RBMS3: variants seen among roughly 807,000 people sequenced by gnomAD.
RBMS3 encodes the protein RNA-binding motif, single-stranded-interacting protein 3.
RBMS3 carries 27 observed loss-of-function variants against 66.8 expected under a neutral mutation model. The observed-to-expected ratio is 0.40, with a 90% CI of 0.30 to 0.56. The LOEUF is 0.56. RBMS3 is among the 20% of genes least tolerant of loss of function. The pLI is 0.40. For missense variants in RBMS3, 513 were observed against 549.5 expected (o/e 0.93, Z 0.66); for synonymous variants, 188 against 183.0 (o/e 1.03, Z -0.22).
intron 4 of RBMS3, among the ~76,000 whole-genome samples, chr3:29,670,528 G>A (rs1002091554): frequency 1.3e-5 from 2 of 152,172 alleles, no homozygotes; most frequent in African/African-American, 4.8e-5. Flanking sequence ...AGATGGTTCC[G>A]GGAAAATTGG....
chr3:29,718,576 T>C (rs966767232), intron 4 of RBMS3, among the ~76,000 whole-genome samples: 1 of 152,052 alleles, frequency 6.6e-6, no homozygotes, highest in South Asian at 2.1e-4. Flanking sequence ...ATTGTTCAAC[T>C]TCCATACTCC....
At chr3:29,852,825 G>T (rs1369945450) in intron 6 of RBMS3, among the ~76,000 whole-genome samples, 2 of 152,138 alleles carry the variant, frequency 1.3e-5, no homozygotes, top group East Asian at 3.9e-4. Flanking sequence ...ACCCAAAGGA[G>T]TATAAATTGT....
chr3:29,608,927 G>A (rs2048400403), intron 4 of RBMS3, among the ~76,000 whole-genome samples: 1 of 151,988 alleles, frequency 6.6e-6, no homozygotes, highest in East Asian at 1.9e-4. Flanking sequence ...TAGAAAGTGT[G>A]GTTTATGTAT....
chr3:29,785,142 G>A (rs746940146), intron 6 of RBMS3, among the ~76,000 whole-genome samples: 2 of 151,974 alleles, frequency 1.3e-5, no homozygotes, highest in Non-Finnish European at 2.9e-5. Context: ...AAGATAAAGA[G>A]GGGATCTTCC....
chr3:29,730,020 T>C (rs962166476), intron 4 of RBMS3, among the ~76,000 whole-genome samples: 2 of 151,886 alleles, frequency 1.3e-5, no homozygotes, highest in African/African-American at 4.8e-5. Context: ...CTAGATAATA[T>C]CATACCATAA....
intron 13 of RBMS3, among the ~76,000 whole-genome samples, 185 bp downstream of exon 13, chr3:29,988,408 A>G (rs1698581210): frequency 6.6e-6 from 1 of 152,282 alleles, no homozygotes; most frequent in Non-Finnish European, 1.5e-5. Flanking sequence ...TGCTTTGCAC[A>G]TGAAATGAGC....
intron 4 of RBMS3, among the ~76,000 whole-genome samples, chr3:29,711,060 A>G (rs1231609435): frequency 6.6e-6 from 1 of 152,198 alleles, no homozygotes; most frequent in East Asian, 1.9e-4. Flanking sequence ...GAAATCACAG[A>G]TAGTACTTAG....
chr3:29,296,282 A>G (rs563893555), intron 1 of RBMS3, among the ~76,000 whole-genome samples: 1 of 151,964 alleles, frequency 6.6e-6, no homozygotes, highest in Admixed American at 6.6e-5. Flanking sequence ...TAAATTTCAA[A>G]GCCCACTGAA....
chr3:29,620,103 G>C (rs1225361881), intron 4 of RBMS3, among the ~76,000 whole-genome samples: 2 of 152,086 alleles, frequency 1.3e-5, no homozygotes, highest in Non-Finnish European at 1.5e-5. Flanking sequence ...GGTGAGGATA[G>C]CTTACAGTTC....
chr3:29,930,477 ATGGAT>A (rs1325828816), intron 10 of RBMS3, among the ~76,000 whole-genome samples: 1 of 151,938 alleles, frequency 6.6e-6, no homozygotes, highest in East Asian at 1.9e-4. Flanking sequence ...AATGGAGCTT[ATGGAT>A]ATATGTATAT....
chr3:29,712,737 C>T (rs1195219681), intron 4 of RBMS3, among the ~76,000 whole-genome samples: 5 of 152,148 alleles, frequency 3.3e-5, no homozygotes, highest in Non-Finnish European at 7.4e-5. Flanking sequence ...AATTGGCTCC[C>T]TTCTGAAGCT....
intron 1 of RBMS3, among the ~76,000 whole-genome samples, chr3:29,384,033 G>C (rs1320017742): frequency 6.6e-6 from 1 of 152,144 alleles, no homozygotes; most frequent in Non-Finnish European, 1.5e-5. Context: ...TAATGGAAGA[G>C]AGCTGGGCAC....
chr3:29,942,246 T>C, intron 11 of RBMS3, among the ~76,000 whole-genome samples: 1 of 151,746 alleles, frequency 6.6e-6, no homozygotes, highest in African/African-American at 2.4e-5. Context: ...AGGCAGGCTG[T>C]AGTGGTTCAT....
chr3:29,732,049 C>T (rs1169928452), intron 4 of RBMS3, among the ~76,000 whole-genome samples: 1 of 152,016 alleles, frequency 6.6e-6, no homozygotes, highest in African/African-American at 2.4e-5. Flanking sequence ...CCCTCTCTGC[C>T]TTCCTTCCTC....
intron 4 of RBMS3, among the ~76,000 whole-genome samples, chr3:29,612,655 T>C (rs1182174895): frequency 6.6e-6 from 1 of 152,000 alleles, no homozygotes. Context: ...TGAGAACTGC[T>C]CCTTTAAGGC....
chr3:29,423,585 G>A (rs1008138344), intron 1 of RBMS3, among the ~76,000 whole-genome samples: 4 of 152,094 alleles, frequency 2.6e-5, no homozygotes, highest in Admixed American at 6.5e-5. Context: ...CATAGTATGG[G>A]AGATTATATG....
At chr3:29,632,352 G>A (rs1174834428) in intron 4 of RBMS3, among the ~76,000 whole-genome samples, 3 of 151,884 alleles carry the variant, frequency 2.0e-5, no homozygotes, top group Non-Finnish European at 4.4e-5. Context: ...GTCCTAGGGG[G>A]AGAAGAGAGT....
At chr3:29,325,210 GTATTT>G (rs2125500023) in intron 1 of RBMS3, among the ~76,000 whole-genome samples, 1 of 152,078 alleles carries the variant, frequency 6.6e-6, no homozygotes, top group African/African-American at 2.4e-5. Context: ...CAGAACATTT[GTATTT>G]TATATTTCGT....
intron 6 of RBMS3, among the ~76,000 whole-genome samples, chr3:29,820,188 C>CAAAAAAAAAAA (rs71091078): frequency 1.4e-4 from 10 of 69,830 alleles, no homozygotes; most frequent in East Asian, 6.6e-4. Flanking sequence ...GACTTCTTCT[C>CAAAAAAAAAAA]AAAAAAAAAA....
Sources: gnomAD v4.1 joint callset for allele counts (sites outside exome capture counted in the v4.1 genomes callset) on GRCh38, gnomAD v4.1.1 for gene constraint, MANE v1.5 for transcripts, NCBI Gene and HGNC (gene_info 2026-07-23, HGNC 2026-07-21) for gene names.